The following WDTC1 variants were observed in gnomAD, a reference collection of about 807,000 sequenced individuals.
The protein encoded by WDTC1 is WD and tetratricopeptide repeats 1.
Under a neutral mutation model 76.0 loss-of-function variants are expected in WDTC1, and 12 were observed. That is an observed-to-expected ratio of 0.16 (90% CI 0.10 to 0.26). WDTC1 has a LOEUF of 0.26. WDTC1 is among the 10% of genes least tolerant of loss of function. The probability of loss-of-function intolerance (pLI) is 1.00; values close to 1 mark genes in which losing one functional copy is unlikely to be tolerated. For synonymous variants in WDTC1, 326 were observed against 350.8 expected, an observed-to-expected ratio of 0.93 and a Z score of 0.79; for missense variants, 511 against 908.8, an observed-to-expected ratio of 0.56 and a Z score of 5.63.
intron 6 of WDTC1, among the ~76,000 whole-genome samples, chr1:27,290,026 GGA>G (rs1475048534): frequency 6.6e-6 from 1 of 150,858 alleles, no homozygotes; most frequent in Admixed American, 6.6e-5. Flanking sequence ...GAGACCGTGG[GGA>G]GAGGGAGAGG....
At chr1:27,251,105 G>A (rs2012040295) in intron 1 of WDTC1, among the ~76,000 whole-genome samples, 1 of 125,624 alleles carries the variant, frequency 8.0e-6, no homozygotes, top group African/African-American at 3.0e-5. Context: ...TGGCCAGGCT[G>A]GTCTCAAACT....
chr1:27,303,496 T>G lies in WDTC1; in HGVS notation c.1469-125T>G. 2.5e-6 allele frequency: 3 copies of G among 1,193,894 alleles called. No homozygotes were observed. Among genetic ancestry groups the G allele is most frequent in the Non-Finnish European group, 3.4e-6 (3 of 885,492 alleles). 74.0% of individuals were successfully genotyped at this position (1,193,894 alleles called of 1,614,324 possible). The stretch of plus-strand genomic sequence containing the variant: ...ACAACCTTTCCCCAGTTTTCCAGGA[T>G]AAGGGTGGAGGCAGGTAGCTCTATG... On this transcript the variant is annotated intron_variant, in intron 13 of 15. Coordinates refer to ENST00000319394, the MANE Select transcript of WDTC1 (RefSeq NM_001276252.2). The surrounding 1 kb of genome is among the most constrained non-coding windows in gnomAD (Gnocchi z 4.8).
intron 6 of WDTC1, among the ~76,000 whole-genome samples, 181 bp downstream of exon 6, chr1:27,288,042 T>C (rs1293048179): frequency 1.3e-5 from 2 of 152,166 alleles, no homozygotes; most frequent in African/African-American, 4.8e-5. Context: ...CTCACCTTCC[T>C]CCCTCTTTGC....
intron 1 of WDTC1, among the ~76,000 whole-genome samples, chr1:27,241,567 G>A (rs2011631378): frequency 6.6e-6 from 1 of 152,106 alleles, no homozygotes; most frequent in Non-Finnish European, 1.5e-5. Flanking sequence ...AACTTGAATG[G>A]TTTAGTTTTC....
chr1:27,293,435 T>TAAA (rs35845132), intron 7 of WDTC1, among the ~76,000 whole-genome samples: 7 of 130,596 alleles, frequency 5.4e-5, no homozygotes, highest in African/African-American at 1.2e-4. Context: ...CAGTCTCAAT[T>TAAA]AAAAAAAAAA....
At chr1:27,251,750 C>T (rs1458547536) in intron 1 of WDTC1, among the ~76,000 whole-genome samples, 1 of 151,780 alleles carries the variant, frequency 6.6e-6, no homozygotes, top group Non-Finnish European at 1.5e-5. Flanking sequence ...CTGTGTGAGC[C>T]CAGGAGTTCA....
chr1:27,254,261 T>G (rs137941546), intron 1 of WDTC1, among the ~76,000 whole-genome samples: 2 of 152,264 alleles, frequency 1.3e-5, no homozygotes, highest in Non-Finnish European at 2.9e-5. Context: ...TCTACCAGTA[T>G]GCTATCATTT....
intron 1 of WDTC1, among the ~76,000 whole-genome samples, chr1:27,253,191 G>A (rs1467840533): frequency 6.6e-6 from 1 of 151,770 alleles, no homozygotes; most frequent in Non-Finnish European, 1.5e-5. Context: ...TGTACGTTTA[G>A]TAGAGACAGG....
intron 7 of WDTC1, 114 bp downstream of exon 7, chr1:27,292,511 T>G (rs1041597364): frequency 3.9e-6 from 4 of 1,036,316 alleles, no homozygotes; most frequent in Non-Finnish European, 5.3e-6. Flanking sequence ...CACTGCAGCC[T>G]CAACCTCCCA....
At chr1:27,294,178 G>T (rs2013620493) in intron 8 of WDTC1, 62 bp downstream of exon 8, 1 of 1,545,016 alleles carries the variant, frequency 6.5e-7, no homozygotes. Flanking sequence ...TTTGGGGGCA[G>T]TCCAGGGAGA....
At chr1:27,265,700 C>A (rs1168368909) in intron 3 of WDTC1, among the ~76,000 whole-genome samples, 1 of 151,880 alleles carries the variant, frequency 6.6e-6, no homozygotes, top group Non-Finnish European at 1.5e-5. Context: ...AATCCCAGCA[C>A]TTAGGGAGGC....
Position 27,305,345 on chromosome 1 carries a change from TC to T in WDTC1, c.1836+154del. On this transcript the variant is annotated intron_variant, in intron 15 of 15. Transcript: ENST00000319394. The surrounding 1 kb of genome is among the most constrained non-coding windows in gnomAD (Gnocchi z 4.6). ...GGGGCCCAAGGCTGTGTTCTCAGAT[TC>T]CAGAAGCTCCAAATGCAGCAGCAAT... is the stretch of plus-strand genomic sequence containing the variant. The T allele has an allele frequency of 1.0e-6, 1 of 960,840 alleles. No homozygotes were observed. Among genetic ancestry groups the T allele is most frequent in the Non-Finnish European group, 1.5e-6 (1 of 672,600 alleles). The allele number at this position is 960,840 out of a possible 1,614,324, so 59.5% of individuals were successfully genotyped here.
intron 1 of WDTC1, among the ~76,000 whole-genome samples, chr1:27,237,310 CAT>C (rs927977396): frequency 1.3e-4 from 20 of 152,150 alleles, no homozygotes; most frequent in East Asian, 3.8e-4. Flanking sequence ...ATGTTGCTGA[CAT>C]GTGCAGTTCT....
At chr1:27,300,560 G>A (rs1165650851) in intron 12 of WDTC1, among the ~76,000 whole-genome samples, 1 of 152,140 alleles carries the variant, frequency 6.6e-6, no homozygotes, top group African/African-American at 2.4e-5. Flanking sequence ...GGAGAAGTGA[G>A]TGGGGACGAT....
At chr1:27,260,778 C>T (rs1227541986) in intron 1 of WDTC1, among the ~76,000 whole-genome samples, 178 bp from the exon 2 acceptor site, 4 of 152,184 alleles carry the variant, frequency 2.6e-5, no homozygotes. Context: ...CTACTGTTCT[C>T]CCCACCCACT....
At chr1:27,289,678 A>G (rs2013473070) in intron 6 of WDTC1, among the ~76,000 whole-genome samples, 1 of 152,134 alleles carries the variant, frequency 6.6e-6, no homozygotes, top group African/African-American at 2.4e-5. Flanking sequence ...ACGCCACTGC[A>G]CTCCAGCCTG....
At chr1:27,255,081 C>T (rs1325309059) in intron 1 of WDTC1, among the ~76,000 whole-genome samples, 1 of 152,078 alleles carries the variant, frequency 6.6e-6, no homozygotes, top group Non-Finnish European at 1.5e-5. Context: ...ACGCACCAGT[C>T]TTAGCTAAAA....
At chr1:27,266,959 A>G (rs1471139864) in intron 3 of WDTC1, among the ~76,000 whole-genome samples, 1 of 152,238 alleles carries the variant, frequency 6.6e-6, no homozygotes, top group Non-Finnish European at 1.5e-5. Context: ...AGTGTCAGAC[A>G]TTTAGTAGAT....
chr1:27,292,209 T>G lies in WDTC1; in HGVS notation c.480-6T>G. 1 of 1,564,788 alleles carries G rather than the reference T, an allele frequency of 6.4e-7. No individual in the cohort carries two copies. The highest frequency in any genetic ancestry group is 8.7e-7 in the Non-Finnish European group (1 of 1,151,686). ...CCCAATTCCCTAACTCTGTCCTCTCTCACAGCCAGTATGACCTTCGAGAGA... is the reference window on the plus strand; with the variant it reads ...CCCAATTCCCTAACTCTGTCCTCTCGCACAGCCAGTATGACCTTCGAGAGA... On this transcript the variant is annotated splice_polypyrimidine_tract_variant and splice_region_variant and intron_variant, in intron 6 of 15. Transcript: ENST00000319394.
Sources: allele counts gnomAD v4.1 joint callset (sites outside exome capture counted in the v4.1 genomes callset), GRCh38; gene constraint gnomAD v4.1.1; non-coding constraint Gnocchi (gnomAD v3.1); transcripts MANE v1.5; gene names NCBI Gene and HGNC (gene_info 2026-07-23, HGNC 2026-07-21).